The following CCDC171 variants were observed in gnomAD, a reference collection of about 807,000 sequenced individuals.
CCDC171 encodes coiled-coil domain containing 171, also known as coiled-coil domain-containing protein 171.
In CCDC171, 177 loss-of-function variants were observed where a neutral mutation model predicts 168.2. That is an observed-to-expected ratio of 1.05 (90% CI 0.93 to 1.19). CCDC171 has a LOEUF of 1.19. Ranked by LOEUF, CCDC171 falls within the 50% of genes most tolerant of loss-of-function variation. The pLI, the probability that CCDC171 is intolerant of heterozygous loss-of-function variation, is 0.00. For missense variants in CCDC171, 1,991 were observed against 1,539.0 expected (o/e 1.29, Z -4.91); for synonymous variants, 687 against 540.8 (o/e 1.27, Z -3.75).
At chr9:15,699,203 C>T (rs533832828) in intron 11 of CCDC171, among the ~76,000 whole-genome samples, 26 of 151,868 alleles carry the variant, frequency 1.7e-4, no homozygotes, top group East Asian at 5.8e-4. Flanking sequence ...AGTGAAGCTG[C>T]GGACCCTCGT....
chr9:15,942,264 T>G (rs1409316952), intron 25 of CCDC171, among the ~76,000 whole-genome samples: 1 of 151,996 alleles, frequency 6.6e-6, no homozygotes, highest in African/African-American at 2.4e-5. Flanking sequence ...CATTATAAAT[T>G]CCAAATTATG....
At chr9:16,083,922 A>G in the CCDC171 span, among the ~76,000 whole-genome samples, 1 of 152,074 alleles carries the variant, frequency 6.6e-6, no homozygotes, top group Non-Finnish European at 1.5e-5. Flanking sequence ...TGGTGATCTC[A>G]CCATGTTTTC....
rs1240203603 is a variant in CCDC171, at chr9:15,968,315, A to G, written c.3754-3294A>G. Among the ~76,000 whole-genome samples the G allele has an allele frequency of 2.0e-5, 3 of 152,190 alleles. No individual in the cohort carries two copies. The East Asian group carries it at 5.8e-4, about 29-fold the overall frequency. On this transcript the variant is annotated intron_variant, in intron 25 of 25. Transcript: ENST00000380701. ...TAGTTTATATGACCATGGACTTTAC[A>G]GATTTAAAATATAAGATTGGGTGGT...
At chr9:16,050,906 A>G (rs1440816595) in intron 1 of CCDC171, among the ~76,000 whole-genome samples, 2 of 152,172 alleles carry the variant, frequency 1.3e-5, no homozygotes, top group Admixed American at 6.5e-5. Flanking sequence ...GACGCACACA[A>G]TTACCAACCA....
chr9:16,086,014 G>C, the CCDC171 span, among the ~76,000 whole-genome samples: 65 of 137,680 alleles, frequency 4.7e-4, no homozygotes, highest in Non-Finnish European at 2.4e-4. Flanking sequence ...TTTTTCTGTT[G>C]TTTGGAATAG....
chr9:15,698,673 G>A (rs1008899409), intron 11 of CCDC171, among the ~76,000 whole-genome samples: 1 of 152,056 alleles, frequency 6.6e-6, no homozygotes, highest in Non-Finnish European at 1.5e-5. Context: ...TTATGTGTCT[G>A]TATGTGCGTG....
intron 25 of CCDC171, among the ~76,000 whole-genome samples, chr9:15,922,585 C>T (rs1335689725): frequency 2.0e-5 from 3 of 151,562 alleles, no homozygotes; most frequent in Non-Finnish European, 3.0e-5. Flanking sequence ...TGGATATATA[C>T]CCAGTTGTGG....
At chr9:15,925,599 T>C (rs1051742363) in intron 25 of CCDC171, among the ~76,000 whole-genome samples, 3 of 151,568 alleles carry the variant, frequency 2.0e-5, no homozygotes, top group Non-Finnish European at 3.0e-5. Context: ...CAGCTAGACA[T>C]GAAGAACAAG....
At chr9:15,935,688 G>A (rs1827027949) in intron 25 of CCDC171, among the ~76,000 whole-genome samples, 1 of 152,022 alleles carries the variant, frequency 6.6e-6, no homozygotes, top group Non-Finnish European at 1.5e-5. Flanking sequence ...ATAAAAAAAT[G>A]TATTAGCGTA....
chr9:15,668,771 A>G (rs896747670), intron 9 of CCDC171, among the ~76,000 whole-genome samples: 7 of 152,124 alleles, frequency 4.6e-5, no homozygotes, highest in Middle Eastern at 3.2e-3. Context: ...ACTTCTGACC[A>G]TACTTCAGAA....
intron 24 of CCDC171, among the ~76,000 whole-genome samples, chr9:15,899,603 C>G (rs968841685): frequency 6.6e-6 from 1 of 152,202 alleles, no homozygotes; most frequent in African/African-American, 2.4e-5. Context: ...TTGAAAATAT[C>G]TTTATGTGCC....
intron 3 of CCDC171, among the ~76,000 whole-genome samples, chr9:15,995,325 A>C (rs1035565788): frequency 6.6e-6 from 1 of 152,236 alleles, no homozygotes; most frequent in African/African-American, 2.4e-5. Flanking sequence ...GTCTCCTTAC[A>C]GGGAGTGCCA....
chr9:15,594,023 G>T lies in CCDC171; in HGVS notation c.544-18G>T. 4 of 1,557,372 alleles carry T rather than the reference G, an allele frequency of 2.6e-6. No homozygotes were observed. The highest frequency in any genetic ancestry group is 3.5e-6 in the Non-Finnish European group (4 of 1,145,620). ...TTTTATTGATCTAACAGTAAAGCAA[G>T]ATTTTATTTATATAAAGGAAGCGTT... On this transcript the variant is annotated intron_variant, in intron 5 of 25. Coordinates refer to ENST00000380701, the MANE Select transcript of CCDC171 (RefSeq NM_173550.4).
chr9:15,681,041 GT>G (rs1435570158), intron 10 of CCDC171, among the ~76,000 whole-genome samples: 1 of 151,944 alleles, frequency 6.6e-6, no homozygotes, highest in Non-Finnish European at 1.5e-5. Flanking sequence ...ATTTTACTTG[GT>G]ACCAACAGAT....
At chr9:15,853,766 C>T (rs1239605993) in intron 23 of CCDC171, among the ~76,000 whole-genome samples, 1 of 151,506 alleles carries the variant, frequency 6.6e-6, no homozygotes, top group African/African-American at 2.4e-5. Context: ...TGAGAAAGTG[C>T]TCTTCCTTTC....
chr9:15,678,069 T>C (rs1302627586), intron 9 of CCDC171, among the ~76,000 whole-genome samples: 1 of 150,048 alleles, frequency 6.7e-6, no homozygotes, highest in Admixed American at 6.7e-5. Flanking sequence ...ACCACTGTGC[T>C]CGGCTGATAT....
chr9:15,578,990 G>C lies in CCDC171; in HGVS notation c.319G>C (p.Ala107Pro), dbSNP rs1474912362. The C allele has an allele frequency of 2.5e-6, 4 of 1,613,998 alleles. No individual in the cohort carries two copies. Among genetic ancestry groups the C allele is most frequent in the Non-Finnish European group, 3.4e-6 (4 of 1,179,956 alleles). The stretch of plus-strand genomic sequence containing the variant: ...AAGACGGGCTGCTGAAGAAAGATTA[G>C]CCGAGGCACATAGGATCCAAGAAAA... The part of the protein sequence containing the change: ...LGRRAAEERL[A>P]EAHRIQEKLC... Residue 107 changes from alanine (A) to proline (P), a missense_variant, in exon 4 of 26, where the codon GCC (alanine) becomes CCC (proline). Physicochemically the swap from Ala to Pro is conservative, Grantham distance 27. Coordinates refer to ENST00000380701, the MANE Select transcript of CCDC171 (RefSeq NM_173550.4).
intron 24 of CCDC171, among the ~76,000 whole-genome samples, chr9:15,899,376 T>C (rs1488559846): frequency 1.3e-5 from 2 of 152,204 alleles, no homozygotes; most frequent in Non-Finnish European, 2.9e-5. Context: ...TGCCTAGCTA[T>C]ATGTAAGTTA....
chr9:15,875,235 T>G (rs1393697394), intron 24 of CCDC171: 1 of 151,992 alleles, frequency 6.6e-6, no homozygotes, highest in Non-Finnish European at 1.5e-5. Flanking sequence ...GATGTGCAAA[T>G]TGGGTCATTT....
Sources: allele counts gnomAD v4.1 joint callset (sites outside exome capture counted in the v4.1 genomes callset), GRCh38; gene constraint gnomAD v4.1.1; transcripts MANE v1.5; gene names NCBI Gene and HGNC (gene_info 2026-07-23, HGNC 2026-07-21).